KRT76: variants seen among roughly 807,000 people sequenced by gnomAD.
The protein encoded by KRT76 is keratin, type II cytoskeletal 2 oral.
A neutral mutation model predicts 44.9 loss-of-function variants in KRT76; 47 were observed. The observed-to-expected ratio is 1.05, with a 90% CI of 0.83 to 1.33. KRT76 has a LOEUF of 1.33. KRT76 is among the 40% of genes most tolerant of loss of function. KRT76 has a pLI of 0.00. For missense variants in KRT76, 860 were observed against 775.8 expected (o/e 1.11, Z -1.29); for synonymous variants, 331 against 294.1 (o/e 1.13, Z -1.28).
rs769370785 is a variant in KRT76 at position 52,771,136 on chromosome 12, G to A, written c.1347C>T (p.Asp449=). 8.1e-6 allele frequency: 13 copies of A among 1,614,076 alleles called. No homozygotes were observed. In the Admixed American group the frequency reaches 2.2e-4, roughly 27 times the overall value. ...TAGCCTTCTGTAGGGCAGTCTGCAA[G>A]TCTTGGAGCTTGGCATTGGCGTCCT... ...ALKDANAKLQ[D]LQTALQKAKD... Residue 449 remains aspartate (D), a synonymous_variant, in exon 7 of 9, where the codon GAC becomes GAT. Transcript: ENST00000332411.
rs764914258 is a variant in KRT76, at chr12:52,768,882, C to T, written c.1748G>A (p.Ser583Asn). Residue 583 changes from serine (S) to asparagine (N), a missense_variant, in exon 9 of 9, where the codon AGC becomes AAC. Ser to Asn is a conservative substitution (Grantham distance 46). Coordinates refer to ENST00000332411, the MANE Select transcript of KRT76 (RefSeq NM_015848.4). ...GATGCTACCTGCACCGCCGAGCCTG[C>T]TCCCACTACTGCTGCTCTGGTAGCT... ...SGSYQSSSSG[S>N]RLGGAGSISV... is the part of the protein sequence containing the mutation. 3.1e-6 allele frequency: 5 copies of T among 1,613,386 alleles called. No individual in the cohort carries two copies. The highest frequency in any genetic ancestry group is 4.2e-6 in the Non-Finnish European group (5 of 1,179,642).
chr12:52,768,596 G>A lies in KRT76; in HGVS notation c.*117C>T. ...CCAGGAGTTCAGCTTCTTCTCCAGGGAACTTGAGGAAAAATGTGGTTGACC... is the reference window on the plus strand; with the variant it reads ...CCAGGAGTTCAGCTTCTTCTCCAGGAAACTTGAGGAAAAATGTGGTTGACC... On this transcript the variant is annotated 3_prime_UTR_variant, in exon 9 of 9. Transcript: ENST00000332411. 8.3e-7 allele frequency: 1 copy of A among 1,202,518 alleles called. No homozygotes were observed. Among genetic ancestry groups the A allele is most frequent in the African/African-American group, 1.5e-5 (1 of 65,998 alleles). The allele number at this position is 1,202,518 out of a possible 1,614,324, so 74.5% of individuals were successfully genotyped here.
chr12:52,773,712 G>A, intron 2 of KRT76, 70 bp from the exon 3 acceptor site: 1 of 1,325,360 alleles, frequency 7.5e-7, no homozygotes, highest in East Asian at 2.3e-5. Context: ...GAGGATTCCA[G>A]GCACTCTCCT....
Position 52,773,618 on chromosome 12 carries a change from G to A in KRT76, c.840C>T (p.Arg280=), listed in dbSNP as rs1565672792. 2.5e-6 allele frequency: 4 copies of A among 1,613,324 alleles called. No individual in the cohort carries two copies. The highest frequency in any genetic ancestry group is 1.6e-4 in the Middle Eastern group (1 of 6,062). Residue 280 remains arginine (R), a synonymous_variant, in exon 3 of 9, where the codon CGC becomes CGT. Transcript: ENST00000332411. The part of the protein sequence containing the change: ...KKKYEDEINK[R]TAAENEFVGL... ...CCACAAACTCATTCTCTGCGGCAGT[G>A]CGTTTGTTGATTTCATCTTCATACC...
At position 52,768,822 on chromosome 12, in the gene KRT76, C is replaced by T; in HGVS notation, c.1808G>A (p.Gly603Asp). Residue 603 changes from glycine (G) to aspartate (D), a missense_variant, in exon 9 of 9, where the codon GGC becomes GAC. By Grantham distance (94) the Gly-to-Asp change is moderately conservative. Transcript: ENST00000332411. The stretch of plus-strand genomic sequence containing the variant: ...ACTTCCTCCAGAAGTCTGGATGCTG[C>T]CAGAGCTGGAGCCCATTCCACTGTG... ...VSHSGMGSSS[G>D]SIQTSGGSGY... 3 of 1,614,020 alleles carry T rather than the reference C, an allele frequency of 1.9e-6. No homozygotes were observed. The East Asian group carries it at 6.7e-5, about 36-fold the overall frequency.
Position 52,771,578 on chromosome 12 carries a change from C to G in KRT76, c.1263+293G>C, listed in dbSNP as rs1939182354. ...AAGGTTATGTGAAAGGTGTGAGAAACAGCTTCACTAAGGGCAGATCCTGCT... is the reference window on the plus strand; with the variant it reads ...AAGGTTATGTGAAAGGTGTGAGAAAGAGCTTCACTAAGGGCAGATCCTGCT... On this transcript the variant is annotated intron_variant, in intron 6 of 8. Coordinates refer to ENST00000332411, the MANE Select transcript of KRT76 (RefSeq NM_015848.4). 2.6e-5 allele frequency among the ~76,000 whole-genome samples: 4 copies of G among 152,202 alleles called. No individual in the cohort carries two copies. In the South Asian group the frequency reaches 8.3e-4, roughly 31 times the overall value.
At chr12:52,769,743 C>G (rs1221572145) in intron 7 of KRT76, among the ~76,000 whole-genome samples, 160 bp from the exon 8 acceptor site, 2 of 152,228 alleles carry the variant, frequency 1.3e-5, no homozygotes, top group Non-Finnish European at 2.9e-5. Flanking sequence ...ATGACCATAT[C>G]TCCCCAGAAA....
At position 52,772,226 on chromosome 12, in the gene KRT76, G is replaced by A; in HGVS notation, c.1005C>T (p.Asp335=). ...ELSQMQSHAS[D]TSVVLSMDNN... ...TGTCCATGGACAGAACCACAGACGTGTCACTGGCATGGCTTTGCATCTGGG... is the reference window on the plus strand; with the variant it reads ...TGTCCATGGACAGAACCACAGACGTATCACTGGCATGGCTTTGCATCTGGG... Residue 335 remains aspartate (D), a synonymous_variant, in exon 5 of 9, where the codon GAC becomes GAT. Transcript: ENST00000332411. The A allele has an allele frequency of 6.2e-7, 1 of 1,608,974 alleles. No homozygotes were observed. Among genetic ancestry groups the A allele is most frequent in the South Asian group, 1.1e-5 (1 of 89,906 alleles).
rs759740396 is a variant in KRT76 at position 52,772,793 on chromosome 12, AG to A, written c.961del (p.Leu321SerfsTer74). The A allele has an allele frequency of 2.7e-5, 43 of 1,611,406 alleles. No homozygotes were observed. Among genetic ancestry groups the A allele is most frequent in the Non-Finnish European group, 3.1e-5 (36 of 1,177,608 alleles). ...AAACCAAGGAATCACCATCTCATAG[AG>A]GGTCCTCAGGAAGCTGACTTCATCT... ...LTDEVSFLRTLYEMELSQMQS... is the reference protein window; with the variant it reads ...LTDEVSFLRTXYEMELSQMQS... On this transcript the variant is annotated frameshift_variant, in exon 4 of 9. Transcript: ENST00000332411. LOFTEE classifies it high-confidence loss of function.
rs151124292 is a variant in KRT76, at chr12:52,768,833, G to A, written c.1797C>T (p.Gly599=). Reference sequence around the variant, plus strand: ...AAGTCTGGATGCTGCCAGAGCTGGAGCCCATTCCACTGTGGCTCACGGAGA... The same window carrying A: ...AAGTCTGGATGCTGCCAGAGCTGGAACCCATTCCACTGTGGCTCACGGAGA... ...GSISVSHSGM[G]SSSGSIQTSG... Residue 599 remains glycine, a synonymous_variant, in exon 9 of 9, where the codon GGC becomes GGT. Coordinates refer to ENST00000332411, the MANE Select transcript of KRT76 (RefSeq NM_015848.4). 3 of 1,613,810 alleles carry A rather than the reference G, an allele frequency of 1.9e-6. No homozygotes were observed. Among genetic ancestry groups the A allele is most frequent in the African/African-American group, 2.7e-5 (2 of 74,884 alleles).
intron 7 of KRT76, 141 bp downstream of exon 7, chr12:52,770,858 T>C (rs1380017470): frequency 1.3e-5 from 14 of 1,074,640 alleles, no homozygotes; most frequent in Non-Finnish European, 1.9e-5. Flanking sequence ...ATAGTGGGGC[T>C]TGAACCCTTG....
At position 52,771,794 on chromosome 12, in the gene KRT76, CA is replaced by C. The variant is rs552249720; in HGVS notation, c.1263+76del. On this transcript the variant is annotated intron_variant, in intron 6 of 8. Transcript: ENST00000332411. Reference sequence around the variant, plus strand: ...ATGAAAGGATGGAGAGAGCATGTAGCAGAGGAGCAGAGCTTATGCTGCTTCT... The same window carrying C: ...ATGAAAGGATGGAGAGAGCATGTAGCGAGGAGCAGAGCTTATGCTGCTTCT... The C allele has an allele frequency of 1.2e-4, 184 of 1,501,778 alleles. No homozygotes were observed. In the African/African-American group the frequency reaches 2.4e-3, roughly 20 times the overall value. The allele number at this position is 1,501,778 out of a possible 1,614,324, so 93.0% of individuals were successfully genotyped here. A position where few individuals can be genotyped will look rare whatever the true frequency, so the allele number is the denominator to read the frequency against.
In KRT76 at chr12:52,768,834, C is replaced by A. The variant is rs747317000; in HGVS notation, c.1796G>T (p.Gly599Val). ...AGTCTGGATGCTGCCAGAGCTGGAGCCCATTCCACTGTGGCTCACGGAGAT... is the reference window on the plus strand; with the variant it reads ...AGTCTGGATGCTGCCAGAGCTGGAGACCATTCCACTGTGGCTCACGGAGAT... The part of the protein sequence containing the change: ...GSISVSHSGM[G>V]SSSGSIQTSG... The change falls in exon 9 of 9, where the codon GGC becomes GTC. Residue 599 changes from glycine to valine, a missense_variant. Transcript: ENST00000332411. The A allele has an allele frequency of 1.9e-6, 3 of 1,613,860 alleles. No homozygotes were observed. In the African/African-American group the frequency reaches 4.0e-5, roughly 22 times the overall value.
Position 52,771,228 on chromosome 12 carries a change from G to GA in KRT76, c.1264-10dup. ...GTCTGCAGGTTGGCATTCTGAGGTA[G>GA]AAAATCAATTAGCATAGTGACCCGG... On this transcript the variant is annotated splice_polypyrimidine_tract_variant and intron_variant, in intron 6 of 8. Transcript: ENST00000332411. The GA allele has an allele frequency of 2.5e-6, 4 of 1,613,808 alleles. No homozygotes were observed. Among genetic ancestry groups the GA allele is most frequent in the Non-Finnish European group, 3.4e-6 (4 of 1,179,804 alleles).
chr12:52,768,991 T>C lies in KRT76; in HGVS notation c.1639A>G (p.Ser547Gly), dbSNP rs770625664. The change falls in exon 9 of 9, where the codon AGT (serine) becomes GGT (glycine). Residue 547 changes from serine (S) to glycine (G), a missense_variant. Ser to Gly is a moderately conservative substitution (Grantham distance 56, BLOSUM62 0). Transcript: ENST00000332411. ...CTGCCGCCACTGACTCCATAGCCAC[T>C]GCTGCTGCTGCTGCTGCTGCCGCCT... Reference protein sequence around the residue: ...YKGGSSSSSSSGYGVSGGSGS... With the variant: ...YKGGSSSSSSGGYGVSGGSGS... The C allele has an allele frequency of 9.6e-5, 57 of 595,278 alleles. No homozygotes were observed. Among genetic ancestry groups the C allele is most frequent in the East Asian group, 8.5e-5 (2 of 23,620 alleles). The allele number at this position is 595,278 out of a possible 1,614,324, so 36.9% of individuals were successfully genotyped here. A position where few individuals can be genotyped will look rare whatever the true frequency, so the allele number is the denominator to read the frequency against.
rs773503735 is a variant in KRT76, at chr12:52,776,808, G to C, written c.484C>G (p.Gln162Glu). 16 of 1,613,976 alleles carry C rather than the reference G, an allele frequency of 9.9e-6. No individual in the cohort carries two copies. Among genetic ancestry groups the C allele is most frequent in the Non-Finnish European group, 1.4e-5 (16 of 1,180,028 alleles). Reference protein sequence around the residue: ...PGGIQEVIVNQSLLQPLNVEI... With the variant: ...PGGIQEVIVNESLLQPLNVEI... ...ACATTGAGGGGCTGCAGGAGACTCT[G>C]GTTTACAATCACTTCCTGAATTCCC... The change falls in exon 1 of 9, where the codon CAG (glutamine) becomes GAG (glutamate). Residue 162 changes from glutamine to glutamate, a missense_variant. Coordinates refer to ENST00000332411, the MANE Select transcript of KRT76 (RefSeq NM_015848.4).
chr12:52,770,896 C>T, intron 7 of KRT76, 103 bp downstream of exon 7: 2 of 1,465,956 alleles, frequency 1.4e-6, no homozygotes, highest in Non-Finnish European at 1.9e-6. Context: ...ACTCCTTGCC[C>T]TTTGTCTTAG....
At chr12:52,774,872 C>G (rs918810163) in intron 2 of KRT76, among the ~76,000 whole-genome samples, 3 of 152,108 alleles carry the variant, frequency 2.0e-5, no homozygotes, top group Non-Finnish European at 4.4e-5. Context: ...CAACTTGGAA[C>G]GTGGAGGAGG....
Position 52,768,556 on chromosome 12 carries a change from A to G in KRT76, c.*157T>C. The stretch of plus-strand genomic sequence containing the variant: ...GGACCTCCATGGCCCTGGGAAGGTC[A>G]TGGGGATGGAGAAACCAGGAGTTCA... On this transcript the variant is annotated 3_prime_UTR_variant, in exon 9 of 9. Transcript: ENST00000332411. 2.4e-6 allele frequency: 2 copies of G among 831,148 alleles called. No homozygotes were observed. Among genetic ancestry groups the G allele is most frequent in the Non-Finnish European group, 3.8e-6 (2 of 528,572 alleles). The allele number at this position is 831,148 out of a possible 1,614,324, so 51.5% of individuals were successfully genotyped here. A position where few individuals can be genotyped will look rare whatever the true frequency, so the allele number is the denominator to read the frequency against.
Sources: allele counts gnomAD v4.1 joint callset (sites outside exome capture counted in the v4.1 genomes callset), GRCh38; gene constraint gnomAD v4.1.1; transcripts MANE v1.5; gene names NCBI Gene and HGNC (gene_info 2026-07-23, HGNC 2026-07-21).